The following BRPF3 variants were observed in gnomAD, a reference collection of about 807,000 sequenced individuals.
BRPF3 encodes bromodomain and PHD finger-containing protein 3.
In BRPF3, 18 loss-of-function variants were observed where a neutral mutation model predicts 102.0. The ratio of observed to expected loss-of-function variants is 0.18; its 90% CI spans 0.12 to 0.26. The LOEUF (loss-of-function observed/expected upper bound fraction) is 0.26. BRPF3 is among the 10% of genes least tolerant of loss of function. The probability of loss-of-function intolerance (pLI) is 1.00; values close to 1 mark genes in which losing one functional copy is unlikely to be tolerated. For missense variants in BRPF3, 1,147 were observed against 1,567.8 expected (o/e 0.73, Z 4.53); for synonymous variants, 570 against 614.2 (o/e 0.93, Z 1.06).
chr6:36,229,252 T>G (rs1377826376), intron 12 of BRPF3, among the ~76,000 whole-genome samples, 196 bp downstream of exon 12: 1 of 152,188 alleles, frequency 6.6e-6, no homozygotes, highest in Non-Finnish European at 1.5e-5. Flanking sequence ...GGAAACACTC[T>G]GAGGTCGAGA....
At position 36,210,180 on chromosome 6, in the gene BRPF3, A is replaced by C; in HGVS notation, c.1867-36A>C. On this transcript the variant is annotated intron_variant, in intron 5 of 12. Transcript: ENST00000357641. This position sits in a 1 kb window ranked among gnomAD's most constrained non-coding sequence, Gnocchi z 4.7. ...AAGGGTGTGTCTGTTTGGCTAGTAA[A>C]TGGTTGTTGTAATTGTACAGGTTTT... The C allele has an allele frequency of 6.2e-7, 1 of 1,609,314 alleles. No homozygotes were observed. Among genetic ancestry groups the C allele is most frequent in the South Asian group, 1.1e-5 (1 of 90,926 alleles).
At position 36,228,898 on chromosome 6, in the gene BRPF3, C is replaced by G. The variant is rs1299566891; in HGVS notation, c.3280-4C>G. 1.2e-6 allele frequency: 2 copies of G among 1,613,928 alleles called. No homozygotes were observed. Among genetic ancestry groups the G allele is most frequent in the African/African-American group, 1.3e-5 (1 of 75,046 alleles). On this transcript the variant is annotated splice_polypyrimidine_tract_variant and splice_region_variant and intron_variant, in intron 11 of 12. Transcript: ENST00000357641. ...TGAGTGCCCATCTTCTATTCTGCCT[C>G]CAGATCATCGATCCCAAGATGCCCC...
At chr6:36,219,963 A>G (rs1008262772) in intron 9 of BRPF3, among the ~76,000 whole-genome samples, 4 of 152,240 alleles carry the variant, frequency 2.6e-5, no homozygotes, top group Non-Finnish European at 5.9e-5. Context: ...TCAAATATTG[A>G]TAACTGAACA....
intron 3 of BRPF3, 130 bp downstream of exon 3, chr6:36,204,944 C>A: frequency 1.6e-6 from 2 of 1,240,008 alleles, no homozygotes; most frequent in Non-Finnish European, 2.2e-6. Context: ...TCTGGGTGGC[C>A]TATCCCAGGA....
chr6:36,210,119 C>T lies in BRPF3; in HGVS notation c.1867-97C>T. 1 of 1,505,810 alleles carries T rather than the reference C, an allele frequency of 6.6e-7. No individual in the cohort carries two copies. The highest frequency in any genetic ancestry group is 9.2e-7 in the Non-Finnish European group (1 of 1,090,854). The allele number at this position is 1,505,810 out of a possible 1,614,324, so 93.3% of individuals were successfully genotyped here. A position where few individuals can be genotyped will look rare whatever the true frequency, so the allele number is the denominator to read the frequency against. On this transcript the variant is annotated intron_variant, in intron 5 of 12. Transcript: ENST00000357641. This position sits in a 1 kb window ranked among gnomAD's most constrained non-coding sequence, Gnocchi z 4.7. ...AGGTCTTTGAGTTAGCCTGGCATGG[C>T]CAAATCAGAAATTGAGGAGGCCAAG...
At chr6:36,224,097 C>T (rs952466709) in intron 10 of BRPF3, among the ~76,000 whole-genome samples, 2 of 152,164 alleles carry the variant, frequency 1.3e-5, no homozygotes, top group African/African-American at 4.8e-5. Flanking sequence ...CACAGTAGCT[C>T]ATGCCTGTAA....
In BRPF3 at chr6:36,232,544, A is replaced by G. The variant is rs774445645; in HGVS notation, c.*1935A>G. On this transcript the variant is annotated 3_prime_UTR_variant, in exon 13 of 13. Coordinates refer to ENST00000357641, the MANE Select transcript of BRPF3 (RefSeq NM_015695.3). ...GCTCTTTTAGAACGGGAAACGGCTC[A>G]GATCCTGCTGTGGCACGGGGCCTAT... 7 of 152,652 alleles carry G rather than the reference A, an allele frequency of 4.6e-5. No individual in the cohort carries two copies. Among genetic ancestry groups the G allele is most frequent in the Non-Finnish European group, 7.3e-5 (5 of 68,048 alleles). The allele number at this position is 152,652 out of a possible 1,614,324, so 9.5% of individuals were successfully genotyped here.
chr6:36,228,782 G>T, intron 11 of BRPF3, 120 bp from the exon 12 acceptor site: 1 of 1,181,754 alleles, frequency 8.5e-7, no homozygotes, highest in Middle Eastern at 2.9e-4. Context: ...GGACATCAAA[G>T]ATATCCCACT....
intron 1 of BRPF3, among the ~76,000 whole-genome samples, chr6:36,199,790 C>T (rs898044919): frequency 4.6e-5 from 7 of 152,202 alleles, no homozygotes; most frequent in Admixed American, 4.6e-4. Flanking sequence ...AGACAGGGCT[C>T]CTTGAGGGCA....
In BRPF3 at chr6:36,230,502, C is replaced by T. The variant is rs761291058; in HGVS notation, c.3511C>T (p.Arg1171Cys). ...GGACAAGCTCAAGATGCTGGAAGGC[C>T]GCAAGACCAGCATCCGCAAGTCAGT... ...TVDKLKMLEG[R>C]KTSIRKSVQV... Residue 1171 changes from arginine (R) to cysteine (C), a missense_variant, in exon 13 of 13, where the codon CGC (arginine) becomes TGC (cysteine). Coordinates refer to ENST00000357641, the MANE Select transcript of BRPF3 (RefSeq NM_015695.3). This position sits in a 1 kb window ranked among gnomAD's most constrained non-coding sequence, Gnocchi z 5.4. 6.8e-6 allele frequency: 11 copies of T among 1,614,022 alleles called. No homozygotes were observed. Among genetic ancestry groups the T allele is most frequent in the African/African-American group, 2.7e-5 (2 of 74,912 alleles).
chr6:36,207,540 C>G, intron 4 of BRPF3, 96 bp downstream of exon 4: 1 of 1,475,960 alleles, frequency 6.8e-7, no homozygotes. Context: ...CTGCCTTATG[C>G]TAGGTTTCTT....
rs761948959 is a variant in BRPF3 at position 36,200,375 on chromosome 6, C to A, written c.53C>A (p.Pro18Gln). 6.2e-7 allele frequency: 1 copy of A among 1,614,184 alleles called. No homozygotes were observed. Residue 18 changes from proline (P) to glutamine (Q), a missense_variant, in exon 2 of 13, where the codon CCG (proline) becomes CAG (glutamine). Pro to Gln is a moderately conservative substitution (Grantham distance 76, BLOSUM62 -1). Around this residue, in one of 11 missense-constraint regions of BRPF3, gnomAD observed 38 missense variants for 34.3 expected, o/e 1.11. Coordinates refer to ENST00000357641, the MANE Select transcript of BRPF3 (RefSeq NM_015695.3). This position sits in a 1 kb window ranked among gnomAD's most constrained non-coding sequence, Gnocchi z 5.3. ...CAGAATGCCGAGGGCCGGCGTTCCC[C>A]GTCCCCCTACAGTCTCAAGTGCTCA... ...SRQNAEGRRS[P>Q]SPYSLKCSPT...
In BRPF3 at chr6:36,231,969, T is replaced by C. The variant is rs1180944298; in HGVS notation, c.*1360T>C. 6.6e-6 allele frequency: 1 copy of C among 152,614 alleles called. No individual in the cohort carries two copies. Among genetic ancestry groups the C allele is most frequent in the Non-Finnish European group, 1.5e-5 (1 of 68,034 alleles). 9.5% of individuals were successfully genotyped at this position (152,614 alleles called of 1,614,324 possible). ...TGCCATGTTGATTTTTAACCTGATA[T>C]TCTTTTTAATTGTTTTAAATTTTTC... On this transcript the variant is annotated 3_prime_UTR_variant, in exon 13 of 13. Transcript: ENST00000357641.
chr6:36,222,126 G>C, intron 9 of BRPF3, 42 bp from the exon 10 acceptor site: 1 of 1,541,576 alleles, frequency 6.5e-7, no homozygotes, highest in Non-Finnish European at 8.8e-7. Context: ...TTTAGTCATT[G>C]AAATTGCTCA....
intron 8 of BRPF3, among the ~76,000 whole-genome samples, chr6:36,215,659 G>A (rs1389247123): frequency 6.6e-6 from 1 of 152,194 alleles, no homozygotes; most frequent in Non-Finnish European, 1.5e-5. Flanking sequence ...GTGGGATGAG[G>A]GCAGACTGGA....
chr6:36,200,372 C>G lies in BRPF3; in HGVS notation c.50C>G (p.Ser17Cys). 6.2e-7 allele frequency: 1 copy of G among 1,614,192 alleles called. No individual in the cohort carries two copies. Residue 17 changes from serine to cysteine, a missense_variant, in exon 2 of 13, where the codon TCC becomes TGC. Ser to Cys is a moderately radical substitution (Grantham distance 112). Around this residue, in one of 11 missense-constraint regions of BRPF3, gnomAD observed 38 missense variants for 34.3 expected, o/e 1.11. Coordinates refer to ENST00000357641, the MANE Select transcript of BRPF3 (RefSeq NM_015695.3). This position sits in a 1 kb window ranked among gnomAD's most constrained non-coding sequence, Gnocchi z 5.3. Reference protein sequence around the residue: ...KSRQNAEGRRSPSPYSLKCSP... With the variant: ...KSRQNAEGRRCPSPYSLKCSP... ...CGGCAGAATGCCGAGGGCCGGCGTT[C>G]CCCGTCCCCCTACAGTCTCAAGTGC... is the stretch of plus-strand genomic sequence containing the variant.
chr6:36,231,712 C>G lies in BRPF3; in HGVS notation c.*1103C>G, dbSNP rs1414839877. ...CCTAGCCTCTGCTACTCCCACTTCCCAACTCCAGGGAATGCATTACTTTTA... is the reference window on the plus strand; with the variant it reads ...CCTAGCCTCTGCTACTCCCACTTCCGAACTCCAGGGAATGCATTACTTTTA... On this transcript the variant is annotated 3_prime_UTR_variant, in exon 13 of 13. Coordinates refer to ENST00000357641, the MANE Select transcript of BRPF3 (RefSeq NM_015695.3). The G allele has an allele frequency of 6.6e-6, 1 of 152,608 alleles. No individual in the cohort carries two copies. The highest frequency in any genetic ancestry group is 1.9e-4 in the East Asian group (1 of 5,182). 9.5% of individuals were successfully genotyped at this position (152,608 alleles called of 1,614,324 possible).
At chr6:36,224,349 T>A (rs7775197) in intron 10 of BRPF3, among the ~76,000 whole-genome samples, 138,454 of 152,236 alleles carry the variant, frequency 0.91, 63,154 homozygotes, top group African/African-American at 0.98. Flanking sequence ...AGGGAAAGAG[T>A]GGTTCTTCTG....
intron 11 of BRPF3, 91 bp from the exon 12 acceptor site, chr6:36,228,811 G>T: frequency 6.9e-7 from 1 of 1,443,732 alleles, no homozygotes; most frequent in African/African-American, 1.4e-5. Flanking sequence ...ATACTCCCCT[G>T]GTGTGGGTGC....
Sources: gnomAD v4.1 joint callset for allele counts (sites outside exome capture counted in the v4.1 genomes callset) on GRCh38, gnomAD v4.1.1 for gene constraint, gnomAD v4.1.1 regional missense constraint, Gnocchi (gnomAD v3.1) non-coding constraint, MANE v1.5 for transcripts, NCBI Gene and HGNC (gene_info 2026-07-23, HGNC 2026-07-21) for gene names.